The following STOML1 variants were observed in gnomAD, a reference collection of about 807,000 sequenced individuals.
STOML1 encodes stomatin like 1, also known as stomatin-like protein 1.
STOML1 carries 27 observed loss-of-function variants against 35.7 expected under a neutral mutation model. That is an observed-to-expected ratio of 0.76 (90% CI 0.56 to 1.04). The LOEUF (loss-of-function observed/expected upper bound fraction) is 1.04. Among genes scored for constraint, STOML1 ranks in the 50% least tolerant of loss-of-function variants. The pLI is 0.00. For synonymous variants in STOML1, 219 were observed against 227.9 expected (o/e 0.96, Z 0.35); for missense variants, 451 against 527.1 (o/e 0.86, Z 1.41).
At chr15:73,985,793 G>A in intron 4 of STOML1, 1 of 409,854 alleles carries the variant, frequency 2.4e-6, no homozygotes, top group Non-Finnish European at 4.3e-6. Context: ...AACAGCATGT[G>A]CAAAACCCCA....
Position 73,981,316 on chromosome 15 carries a change from G to A in STOML1, c.*2621C>T, listed in dbSNP as rs1000105189. On this transcript the variant is annotated 3_prime_UTR_variant, in exon 7 of 7. Coordinates refer to ENST00000541638, the MANE Select transcript of STOML1 (RefSeq NM_004809.5). ...GGTTGCAGTGAGCTGAGATTGTACT[G>A]TACTCTAACATGGGCAACAGAGTAA... 1 of 151,838 alleles carries A rather than the reference G, an allele frequency of 6.6e-6. No individual in the cohort carries two copies. Among genetic ancestry groups the A allele is most frequent in the Non-Finnish European group, 1.5e-5 (1 of 67,996 alleles). 9.4% of individuals were successfully genotyped at this position (151,838 alleles called of 1,614,324 possible).
At chr15:73,990,705 T>C (rs990593382) in intron 1 of STOML1, 35 of 1,221,608 alleles carry the variant, frequency 2.9e-5, no homozygotes, top group Admixed American at 1.2e-4. Flanking sequence ...CCTTATTCTC[T>C]GCTAGGCAAC....
chr15:73,980,759 T>G lies in STOML1; in HGVS notation c.*3178A>C, dbSNP rs1215909908. ...GTTTAGCCAACCAAAATTTAAATAT[T>G]GGCTGGGTACAGTGGCTCACACCTG... is the stretch of plus-strand genomic sequence containing the variant. On this transcript the variant is annotated 3_prime_UTR_variant, in exon 7 of 7. Transcript: ENST00000541638. 6.6e-6 allele frequency: 1 copy of G among 152,198 alleles called. No homozygotes were observed. The highest frequency in any genetic ancestry group is 1.5e-5 in the Non-Finnish European group (1 of 68,028). The allele number at this position is 152,198 out of a possible 1,614,324, so 9.4% of individuals were successfully genotyped here. A position where few individuals can be genotyped will look rare whatever the true frequency, so the allele number is the denominator to read the frequency against.
At position 73,991,298 on chromosome 15, in the gene STOML1, G is replaced by C. The variant is rs576614667; in HGVS notation, c.133+793C>G. ...TGGGAGCAAAGCCGAGACAGCTCCA[G>C]AATCTGGGATGAGGTTATTTGCCGC... On this transcript the variant is annotated intron_variant, in intron 1 of 6. Transcript: ENST00000541638. Among the ~76,000 whole-genome samples the C allele has an allele frequency of 1.6e-4, 25 of 152,378 alleles. 2 individuals are homozygous for C. The South Asian group carries it at 5.2e-3, about 32-fold the overall frequency.
At chr15:73,986,370 T>C (rs1273942716) in intron 4 of STOML1, 2 of 150,760 alleles carry the variant, frequency 1.3e-5, no homozygotes, top group Non-Finnish European at 2.9e-5. Context: ...TTTACTACTG[T>C]AAGCTTGAGG....
intron 4 of STOML1, 141 bp from the exon 5 acceptor site, chr15:73,985,654 G>A: frequency 1.0e-6 from 1 of 1,000,156 alleles, no homozygotes; most frequent in South Asian, 1.8e-5. Context: ...AACACAGGCA[G>A]AGGGCAATGA....
At chr15:73,994,246 G>T (rs563277426), upstream of STOML1, among the ~76,000 whole-genome samples, 3 of 152,334 alleles carry the variant, frequency 2.0e-5, no homozygotes, top group African/African-American at 7.2e-5. Flanking sequence ...TTTTGCAAGA[G>T]CTATCTTTTC....
rs148506048 is a variant in STOML1 at position 73,985,445 on chromosome 15, G to C, written c.663C>G (p.Ala221=). 1.3e-6 allele frequency: 2 copies of C among 1,548,778 alleles called. No homozygotes were observed. Among genetic ancestry groups the C allele is most frequent in the Non-Finnish European group, 1.7e-6 (2 of 1,153,934 alleles). Residue 221 remains alanine, a synonymous_variant, in exon 5 of 7, where the codon GCC becomes GCG. Transcript: ENST00000541638. ...GGCTGTCCTGGGGCGGCTGGAGCAC[G>C]GCCTCCACTGCCAGCTCCACGCGGT... ...EVDRVELAVE[A]VLQPPQDSPA...
rs1336577341 is a variant in STOML1, at chr15:73,979,696, ATATGTAAATGC to A, written c.*4230_*4240del. 6.6e-6 allele frequency: 1 copy of A among 152,234 alleles called. No individual in the cohort carries two copies. Among genetic ancestry groups the A allele is most frequent in the African/African-American group, 2.4e-5 (1 of 41,456 alleles). 9.4% of individuals were successfully genotyped at this position (152,234 alleles called of 1,614,324 possible). On this transcript the variant is annotated 3_prime_UTR_variant, in exon 7 of 7. Transcript: ENST00000541638. ...TGTATGTAAATTACACCTTTAAAAA[ATATGTAAATGC>A]TAGGGGAAGAGAAACCAAACCAAAC...
In STOML1 at chr15:73,988,746, G is replaced by A; in HGVS notation, c.447C>T (p.Ile149=). 6.2e-7 allele frequency: 1 copy of A among 1,614,234 alleles called. No individual in the cohort carries two copies. The highest frequency in any genetic ancestry group is 8.5e-7 in the Non-Finnish European group (1 of 1,180,050). ...LSVGADVQFR[I]WDPVLSVMTV... ...TCATCACCGACAGCACCGGGTCCCA[G>A]ATGCGAAACTGGACATCGGCTCCCA... Residue 149 remains isoleucine (I), a synonymous_variant, in exon 4 of 7, where the codon ATC becomes ATT. Coordinates refer to ENST00000541638, the MANE Select transcript of STOML1 (RefSeq NM_004809.5). The surrounding 1 kb of genome is among the most constrained non-coding windows in gnomAD (Gnocchi z 4.8).
At chr15:73,990,779 C>A in intron 1 of STOML1, 2 of 1,529,994 alleles carry the variant, frequency 1.3e-6, no homozygotes, top group South Asian at 2.4e-5. Flanking sequence ...GAGTAGGGGT[C>A]AATCCTCTCG....
At chr15:73,989,307 C>A in intron 2 of STOML1, 50 bp from the exon 3 acceptor site, 4 of 1,501,188 alleles carry the variant, frequency 2.7e-6, no homozygotes, top group South Asian at 1.4e-5. Context: ...CCTAGGCTGG[C>A]CAATGCTGTC....
In STOML1 at chr15:73,989,179, G is replaced by A; in HGVS notation, c.319C>T (p.Leu107Phe). The A allele has an allele frequency of 6.2e-7, 1 of 1,613,238 alleles. No individual in the cohort carries two copies. The highest frequency in any genetic ancestry group is 8.5e-7 in the Non-Finnish European group (1 of 1,179,538). The change falls in exon 3 of 7, where the codon CTC becomes TTC. Residue 107 changes from leucine (L) to phenylalanine (F), a missense_variant. Leu to Phe is a conservative substitution (Grantham distance 22). Coordinates refer to ENST00000541638, the MANE Select transcript of STOML1 (RefSeq NM_004809.5). Reference protein sequence around the residue: ...RTPQGPGMVLLLPFIDSFQRV... With the variant: ...RTPQGPGMVLFLPFIDSFQRV... ...TGAAAGGAGTCAATGAAGGGCAAGA[G>A]CAGAACCATGCCAGGTCCCTGGGGG...
Position 73,992,250 on chromosome 15 carries a change from G to A in STOML1, c.-27C>T, listed in dbSNP as rs766100779. 1 of 1,578,066 alleles carries A rather than the reference G, an allele frequency of 6.3e-7. No homozygotes were observed. The highest frequency in any genetic ancestry group is 8.6e-7 in the Non-Finnish European group (1 of 1,166,396). On this transcript the variant is annotated 5_prime_UTR_variant, in exon 1 of 7. Coordinates refer to ENST00000541638, the MANE Select transcript of STOML1 (RefSeq NM_004809.5). ...GCTTTTGACAGGAGACACGCCCCGC[G>A]CCTCCGCGCGGCGCCCTCCCTGGCC... is the stretch of plus-strand genomic sequence containing the variant.
Position 73,988,845 on chromosome 15 carries a change from G to A in STOML1, c.391-43C>T, listed in dbSNP as rs1359244898. On this transcript the variant is annotated intron_variant, in intron 3 of 6. Transcript: ENST00000541638. This position sits in a 1 kb window ranked among gnomAD's most constrained non-coding sequence, Gnocchi z 4.8. The stretch of plus-strand genomic sequence containing the variant: ...GAGAGAGAGACACTCAAGGGGCTGG[G>A]GGTGCAGGGAGGTCAGGCCCACTGG... The A allele has an allele frequency of 1.9e-6, 3 of 1,590,126 alleles. No homozygotes were observed. In the East Asian group the frequency reaches 6.7e-5, roughly 36 times the overall value.
Position 73,988,951 on chromosome 15 carries a change from A to G in STOML1, c.391-149T>C. 1.4e-6 allele frequency: 2 copies of G among 1,418,632 alleles called. No individual in the cohort carries two copies. The allele number at this position is 1,418,632 out of a possible 1,614,324, so 87.9% of individuals were successfully genotyped here. A position where few individuals can be genotyped will look rare whatever the true frequency, so the allele number is the denominator to read the frequency against. ...TCACCAAGTATGTAGGGTTAGGTGT[A>G]TGAAGCAAGGATGTCCTCCTAGCTT... On this transcript the variant is annotated intron_variant, in intron 3 of 6. Transcript: ENST00000541638. This position sits in a 1 kb window ranked among gnomAD's most constrained non-coding sequence, Gnocchi z 4.8.
chr15:73,984,012 C>A lies in STOML1; in HGVS notation c.1122G>T (p.Met374Ile), dbSNP rs1261656783. Residue 374 changes from methionine (M) to isoleucine (I), a missense_variant, in exon 7 of 7, where the codon ATG (methionine) becomes ATT (isoleucine). Met to Ile is a conservative substitution (Grantham distance 10). Coordinates refer to ENST00000541638, the MANE Select transcript of STOML1 (RefSeq NM_004809.5). ...CGCCCTTCACCTTCAGCCGTCCACT[C>A]ATGTAGGCCCCCAGGGGCCGCAGCT... The part of the protein sequence containing the change: ...CRELRPLGAY[M>I]SGRLKVKGDL... 1.2e-6 allele frequency: 2 copies of A among 1,613,968 alleles called. No homozygotes were observed. The highest frequency in any genetic ancestry group is 2.7e-5 in the African/African-American group (2 of 74,944).
At chr15:73,985,719 G>A (rs2069076575) in intron 4 of STOML1, 2 of 573,040 alleles carry the variant, frequency 3.5e-6, no homozygotes, top group Admixed American at 4.3e-5. Context: ...TGAGCCCCCA[G>A]CAGAGGAGGG....
intron 6 of STOML1, 76 bp downstream of exon 6, chr15:73,984,583 C>T (rs1010837588): frequency 1.2e-5 from 19 of 1,543,084 alleles, no homozygotes; most frequent in Admixed American, 1.8e-5. Flanking sequence ...GGGCAGTCTA[C>T]GAGAGCACCA....
Sources: gnomAD v4.1 joint callset for allele counts (sites outside exome capture counted in the v4.1 genomes callset) on GRCh38, gnomAD v4.1.1 for gene constraint, Gnocchi (gnomAD v3.1) non-coding constraint, MANE v1.5 for transcripts, NCBI Gene and HGNC (gene_info 2026-07-23, HGNC 2026-07-21) for gene names.